The following DDB2 variants were observed in gnomAD, a reference collection of about 807,000 sequenced individuals.
DDB2 encodes damage specific DNA binding protein 2, also known as DNA damage-binding protein 2.
Under a neutral mutation model 50.5 loss-of-function variants are expected in DDB2, and 27 were observed. The observed-to-expected ratio is 0.53, with a 90% confidence interval of 0.39 to 0.74. The LOEUF (loss-of-function observed/expected upper bound fraction) is 0.74, where lower values mean the gene tolerates loss of function less well. Among genes scored for constraint, DDB2 ranks in the 30% least tolerant of loss-of-function variants. DDB2 has a pLI of 0.00. For missense variants in DDB2, 424 were observed against 545.6 expected, an observed-to-expected ratio of 0.78 and a Z score of 2.22; for synonymous variants, 176 against 205.5, an observed-to-expected ratio of 0.86 and a Z score of 1.23.
chr11:47,216,296 G>GTCC, intron 1 of DDB2, 40 bp from the exon 2 acceptor site: 1 of 1,614,086 alleles, frequency 6.2e-7, no homozygotes, highest in Non-Finnish European at 8.5e-7. Context: ...AAAACCTTTC[G>GTCC]TGAGATTGGA....
Position 47,215,145 on chromosome 11 carries a change from CAAGAAACGCCCAGAAACCCAGAAG to C in DDB2, c.11_34del (p.Lys4_Lys11del). 6.2e-7 allele frequency: 1 copy of C among 1,614,062 alleles called. No homozygotes were observed. The highest frequency in any genetic ancestry group is 8.5e-7 in the Non-Finnish European group (1 of 1,180,020). ...TTCACACGGAGGACGCGATGGCTCC[CAAGAAACGCCCAGAAACCCAGAAG>C]ACCTCCGAGATTGTATTACGCCCCA... is the stretch of plus-strand genomic sequence containing the variant. On this transcript the variant is annotated inframe_deletion, in exon 1 of 10. Transcript: ENST00000256996.
At chr11:47,216,603 G>A in intron 2 of DDB2, 131 bp downstream of exon 2, 2 of 1,343,958 alleles carry the variant, frequency 1.5e-6, no homozygotes, top group East Asian at 2.4e-5. Flanking sequence ...TGTGGTGACT[G>A]GCCTACTGGG....
Position 47,214,985 on chromosome 11 carries a change from G to A in DDB2, c.-152G>A, listed in dbSNP as rs1204635232. 7.7e-6 allele frequency: 9 copies of A among 1,164,006 alleles called. No homozygotes were observed. Among genetic ancestry groups the A allele is most frequent in the Non-Finnish European group, 1.1e-5 (9 of 787,880 alleles). The allele number at this position is 1,164,006 out of a possible 1,614,324, so 72.1% of individuals were successfully genotyped here. A position where few individuals can be genotyped will look rare whatever the true frequency, so the allele number is the denominator to read the frequency against. ...CGGAGCTCCAAGCTGGTTTGAACAA[G>A]CCCTGGGCATGTTTGGCGGGAAGTT... On this transcript the variant is annotated 5_prime_UTR_variant, in exon 1 of 10. Coordinates refer to ENST00000256996, the MANE Select transcript of DDB2 (RefSeq NM_000107.3).
At chr11:47,219,962 A>G (rs2135489588) in intron 3 of DDB2, among the ~76,000 whole-genome samples, 1 of 151,858 alleles carries the variant, frequency 6.6e-6, no homozygotes. Flanking sequence ...TACTTTTTTT[A>G]TATTTTTTAG....
At chr11:47,232,788 A>C in intron 3 of DDB2, 26 bp from the exon 4 acceptor site, 1 of 1,612,692 alleles carries the variant, frequency 6.2e-7, no homozygotes, top group South Asian at 1.1e-5. Context: ...ATCATCACTC[A>C]CTGGCTTTTT....
chr11:47,235,439 A>G (rs1410351672), intron 7 of DDB2, 27 bp downstream of exon 7: 16 of 1,604,668 alleles, frequency 1.0e-5, no homozygotes, highest in Non-Finnish European at 1.4e-5. Context: ...AGGAGCTCGC[A>G]GAAGGAGGCT....
intron 3 of DDB2, among the ~76,000 whole-genome samples, chr11:47,225,979 C>T (rs1953552031): frequency 6.6e-6 from 1 of 152,150 alleles, no homozygotes; most frequent in South Asian, 2.1e-4. Flanking sequence ...CCATTGTTTG[C>T]GTGTACCACC....
At chr11:47,218,402 A>C (rs965053128) in intron 3 of DDB2, among the ~76,000 whole-genome samples, 1 of 152,250 alleles carries the variant, frequency 6.6e-6, no homozygotes, top group African/African-American at 2.4e-5. Context: ...TTAACAATAC[A>C]GATGCCAAGT....
chr11:47,237,712 G>A, intron 7 of DDB2, 125 bp from the exon 8 acceptor site: 1 of 957,494 alleles, frequency 1.0e-6, no homozygotes, highest in Non-Finnish European at 1.7e-6. Flanking sequence ...TGAGATTACA[G>A]GTGTGAGCCA....
chr11:47,237,930 G>A lies in DDB2; in HGVS notation c.1117G>A (p.Asp373Asn), dbSNP rs567082210. Residue 373 changes from aspartate to asparagine, a missense_variant, in exon 8 of 10, where the codon GAC becomes AAC. Physicochemically the swap from Asp to Asn is conservative, Grantham distance 23. Coordinates refer to ENST00000256996, the MANE Select transcript of DDB2 (RefSeq NM_000107.3). ...TACCCCTTATGAATTGAGGACGATC[G>A]ACGTGTTCGATGGAAACTCAGGGAA... ...SCTPYELRTI[D>N]VFDGNSGKMM... The A allele has an allele frequency of 1.9e-6, 3 of 1,614,118 alleles. No individual in the cohort carries two copies. Among genetic ancestry groups the A allele is most frequent in the East Asian group, 2.2e-5 (1 of 44,890 alleles).
intron 3 of DDB2, among the ~76,000 whole-genome samples, chr11:47,225,256 A>T (rs1463478168): frequency 5.8e-5 from 1 of 17,388 alleles, no homozygotes; most frequent in African/African-American, 1.1e-4. Flanking sequence ...TGTGTCTTTA[A>T]AAAAAAAAAA....
chr11:47,239,068 G>C lies in DDB2; in HGVS notation c.*219G>C. ...CTGCTCCAGAGTTGGTGACACAGCT[G>C]TCCCAAGGGCCCCTCTGTATCTAGC... On this transcript the variant is annotated 3_prime_UTR_variant, in exon 10 of 10. Coordinates refer to ENST00000256996, the MANE Select transcript of DDB2 (RefSeq NM_000107.3). 1 of 558,712 alleles carries C rather than the reference G, an allele frequency of 1.8e-6. No individual in the cohort carries two copies. The highest frequency in any genetic ancestry group is 3.2e-6 in the Non-Finnish European group (1 of 310,122). 34.6% of individuals were successfully genotyped at this position (558,712 alleles called of 1,614,324 possible). A position where few individuals can be genotyped will look rare whatever the true frequency, so the allele number is the denominator to read the frequency against.
intron 3 of DDB2, among the ~76,000 whole-genome samples, chr11:47,222,067 A>T (rs962961725): frequency 6.6e-6 from 1 of 152,206 alleles, no homozygotes; most frequent in Non-Finnish European, 1.5e-5. Flanking sequence ...CCATCACCAC[A>T]ATTAAAATAA....
At chr11:47,214,603 AG>A, upstream of DDB2, 1 of 143,670 alleles carries the variant, frequency 7.0e-6, no homozygotes, top group Non-Finnish European at 1.6e-5. Context: ...AAAGAAAAAA[AG>A]AGAGAGAGAG....
chr11:47,224,354 G>C (rs930263243), intron 3 of DDB2, among the ~76,000 whole-genome samples: 2 of 151,886 alleles, frequency 1.3e-5, no homozygotes, highest in Admixed American at 6.6e-5. Context: ...TCAGCCTCCC[G>C]AGTAGCTGGG....
intron 3 of DDB2, among the ~76,000 whole-genome samples, chr11:47,222,070 TA>T (rs1465283960): frequency 6.6e-6 from 1 of 152,170 alleles, no homozygotes; most frequent in Non-Finnish European, 1.5e-5. Context: ...TCACCACAAT[TA>T]AAATAACTCC....
intron 3 of DDB2, among the ~76,000 whole-genome samples, chr11:47,231,429 T>C (rs1953647972): frequency 6.6e-6 from 1 of 152,220 alleles, no homozygotes; most frequent in Non-Finnish European, 1.5e-5. Context: ...CAAACTCAGA[T>C]GAATCTCAGA....
chr11:47,220,197 A>C (rs775040916), intron 3 of DDB2: 1 of 152,356 alleles, frequency 6.6e-6, no homozygotes, highest in Non-Finnish European at 1.5e-5. Flanking sequence ...GTGTTCAAGG[A>C]ACAAGTGCCA....
intron 1 of DDB2, 140 bp from the exon 2 acceptor site, chr11:47,216,196 C>A: frequency 7.8e-7 from 1 of 1,276,576 alleles, no homozygotes; most frequent in Non-Finnish European, 1.1e-6. Context: ...TCGTTGAGAC[C>A]ACACAGACAT....
Sources: allele counts gnomAD v4.1 joint callset (sites outside exome capture counted in the v4.1 genomes callset), GRCh38; gene constraint gnomAD v4.1.1; transcripts MANE v1.5; gene names NCBI Gene and HGNC (gene_info 2026-07-23, HGNC 2026-07-21).